The following DACH2 variants were observed in gnomAD, a reference collection of about 807,000 sequenced individuals.
DACH2 encodes the protein dachshund family transcription factor 2.
In DACH2, 17 loss-of-function variants were observed where a neutral mutation model predicts 35.8. The observed-to-expected ratio is 0.48, with a 90% confidence interval of 0.33 to 0.71. The LOEUF is 0.71. Ranked by LOEUF, DACH2 falls within the 30% of genes least tolerant of loss-of-function variation. The probability of loss-of-function intolerance (pLI) is 0.02; values close to 1 mark genes in which losing one functional copy is unlikely to be tolerated. For synonymous variants in DACH2, 195 were observed against 177.3 expected, an observed-to-expected ratio of 1.10 and a Z score of -0.79; for missense variants, 469 against 472.7, an observed-to-expected ratio of 0.99 and a Z score of 0.07.
intron 3 of DACH2, among the ~76,000 whole-genome samples, chrX:86,575,976 T>A (rs952406935): frequency 1.2e-4 from 13 of 112,202 alleles, no homozygotes; most frequent in African/African-American, 3.9e-4. Context: ...AGATGCACAG[T>A]GAACCTGCAA....
At chrX:86,634,732 G>T (rs931576028) in intron 3 of DACH2, among the ~76,000 whole-genome samples, 2 of 111,260 alleles carry the variant, frequency 1.8e-5, no homozygotes, top group African/African-American at 6.5e-5. Flanking sequence ...ATTTAACCAA[G>T]AAAATGAAAG....
At chrX:86,223,557 G>GT (rs1311543766) in intron 1 of DACH2, among the ~76,000 whole-genome samples, 2 of 111,508 alleles carry the variant, frequency 1.8e-5, no homozygotes, top group Non-Finnish European at 3.8e-5. Context: ...CATTTTGTGT[G>GT]TATGTATAGT....
chrX:86,254,807 T>TATATATATAGAGAG (rs1380613474), intron 1 of DACH2, among the ~76,000 whole-genome samples: 58 of 49,614 alleles, frequency 1.2e-3, no homozygotes, highest in African/African-American at 3.4e-3. Flanking sequence ...TATATATATA[T>TATATATATAGAGAG]AGAGAGAGAG....
At chrX:86,455,142 G>C (rs1019942672) in intron 2 of DACH2, among the ~76,000 whole-genome samples, 2 of 110,643 alleles carry the variant, frequency 1.8e-5, no homozygotes, top group Non-Finnish European at 1.9e-5. Flanking sequence ...ATGGCAACCT[G>C]TTCCTTCCTT....
At chrX:86,294,193 C>T (rs1191591751) in intron 1 of DACH2, among the ~76,000 whole-genome samples, 4 of 111,743 alleles carry the variant, frequency 3.6e-5, no homozygotes, top group Non-Finnish European at 5.6e-5. Flanking sequence ...ATCACTGATA[C>T]GCTTTCTTCC....
intron 2 of DACH2, among the ~76,000 whole-genome samples, chrX:86,435,751 A>G (rs539093480): frequency 1.8e-5 from 2 of 111,835 alleles, no homozygotes; most frequent in African/African-American, 6.5e-5. Flanking sequence ...TAATTTGTAT[A>G]TTTTACTCAT....
intron 2 of DACH2, among the ~76,000 whole-genome samples, chrX:86,455,707 C>T (rs1364313389): frequency 8.9e-6 from 1 of 112,264 alleles, no homozygotes; most frequent in African/African-American, 3.2e-5. Context: ...AACTTGGTCC[C>T]GTCTCAGGCA....
intron 7 of DACH2, among the ~76,000 whole-genome samples, chrX:86,810,339 T>C (rs762410152): frequency 5.4e-5 from 6 of 111,954 alleles, no homozygotes; most frequent in Non-Finnish European, 7.5e-5. Context: ...GTAGGTGATA[T>C]GTAACAATGA....
At chrX:86,783,490 G>A (rs890876588) in intron 7 of DACH2, among the ~76,000 whole-genome samples, 3 of 112,112 alleles carry the variant, frequency 2.7e-5, no homozygotes, top group Non-Finnish European at 5.6e-5. Context: ...ACTGTTTACA[G>A]TAGCTAAGAT....
chrX:86,606,544 A>G (rs1340436676), intron 3 of DACH2, among the ~76,000 whole-genome samples: 1 of 111,215 alleles, frequency 9.0e-6, no homozygotes, highest in Non-Finnish European at 1.9e-5. Flanking sequence ...TATTGTGGCC[A>G]GAGAAGATAC....
At chrX:86,768,413 TCCC>T (rs1415739976) in intron 7 of DACH2, among the ~76,000 whole-genome samples, 1 of 111,639 alleles carries the variant, frequency 9.0e-6, no homozygotes, top group Non-Finnish European at 1.9e-5. Context: ...ATGAATATTT[TCCC>T]TGTAGGTTAG....
chrX:86,460,214 G>GA (rs899192607), intron 2 of DACH2, among the ~76,000 whole-genome samples: 3 of 110,273 alleles, frequency 2.7e-5, no homozygotes, highest in Non-Finnish European at 5.7e-5. Flanking sequence ...AAATATTTTG[G>GA]AAAAAATGTG....
At chrX:86,260,085 T>C (rs1238152278) in intron 1 of DACH2, among the ~76,000 whole-genome samples, 3 of 111,137 alleles carry the variant, frequency 2.7e-5, no homozygotes, top group Non-Finnish European at 5.7e-5. Context: ...CTATTCAAGA[T>C]AGGTAAATGC....
intron 1 of DACH2, among the ~76,000 whole-genome samples, chrX:86,374,591 T>C (rs1257276061): frequency 9.0e-6 from 1 of 111,268 alleles, no homozygotes; most frequent in African/African-American, 3.3e-5. Context: ...GCCACAACGT[T>C]CTTGACTGTG....
At chrX:86,642,628 C>A (rs1232286269) in intron 3 of DACH2, among the ~76,000 whole-genome samples, 1 of 112,007 alleles carries the variant, frequency 8.9e-6, no homozygotes, top group East Asian at 2.8e-4. Flanking sequence ...TCACAGAATT[C>A]TTCACCCTAA....
intron 2 of DACH2, among the ~76,000 whole-genome samples, chrX:86,460,574 C>A (rs1171017153): frequency 1.8e-5 from 2 of 110,646 alleles, no homozygotes; most frequent in Non-Finnish European, 3.8e-5. Context: ...ACATATATAG[C>A]ATATAAAATT....
At chrX:86,733,617 C>T (rs1257619644) in intron 6 of DACH2, among the ~76,000 whole-genome samples, 1 of 111,575 alleles carries the variant, frequency 9.0e-6, no homozygotes, top group African/African-American at 3.2e-5. Context: ...AAGTGTCTTA[C>T]AGTACATTTT....
At chrX:86,411,540 A>G (rs1002626384) in intron 2 of DACH2, among the ~76,000 whole-genome samples, 3 of 111,347 alleles carry the variant, frequency 2.7e-5, no homozygotes, top group Non-Finnish European at 5.6e-5. Flanking sequence ...TCATATGACT[A>G]TCTCTTGTAC....
intron 2 of DACH2, among the ~76,000 whole-genome samples, chrX:86,462,547 G>T (rs1167768731): frequency 9.0e-6 from 1 of 111,162 alleles, no homozygotes; most frequent in Non-Finnish European, 1.9e-5. Context: ...GCAAATAATT[G>T]CAGGAGTCCA....
Sources: allele counts gnomAD v4.1 joint callset (sites outside exome capture counted in the v4.1 genomes callset), GRCh38; gene constraint gnomAD v4.1.1; transcripts MANE v1.5; gene names NCBI Gene and HGNC (gene_info 2026-07-23, HGNC 2026-07-21).